LRRC69: variants seen among roughly 807,000 people sequenced by gnomAD.
LRRC69 encodes leucine rich repeat containing 69.
Under a neutral mutation model 37.8 loss-of-function variants are expected in LRRC69, and 42 were observed. That is an observed-to-expected ratio of 1.11 (90% CI 0.87 to 1.44). LRRC69 has a LOEUF of 1.44. Ranked by LOEUF, LRRC69 falls within the 40% of genes most tolerant of loss-of-function variation. The pLI, the probability that LRRC69 is intolerant of heterozygous loss-of-function variation, is 0.00. For missense variants in LRRC69, 357 were observed against 401.9 expected, an observed-to-expected ratio of 0.89 and a Z score of 0.96; for synonymous variants, 141 against 143.1, an observed-to-expected ratio of 0.99 and a Z score of 0.11.
intron 7 of LRRC69, among the ~76,000 whole-genome samples, chr8:91,208,643 A>G (rs1232968013): frequency 6.6e-6 from 1 of 152,214 alleles, no homozygotes; most frequent in African/African-American, 2.4e-5. Flanking sequence ...AGGATTTCCT[A>G]AGTCATTTCA....
At chr8:91,197,552 G>A (rs1297317771) in intron 6 of LRRC69, among the ~76,000 whole-genome samples, 3 of 152,120 alleles carry the variant, frequency 2.0e-5, no homozygotes, top group African/African-American at 7.2e-5. Flanking sequence ...GTGGTGCGCC[G>A]TTTTTTAAGC....
At chr8:91,106,189 T>G (rs1438202292) in intron 1 of LRRC69, among the ~76,000 whole-genome samples, 13 of 152,192 alleles carry the variant, frequency 8.5e-5, no homozygotes, top group African/African-American at 3.1e-4. Context: ...TAATTTGAAC[T>G]CTTTCTTATG....
rs118039597 is a variant in LRRC69 at position 91,109,691 on chromosome 8, A to T, written c.183+6847A>T. Among the ~76,000 whole-genome samples the T allele has an allele frequency of 8.7e-4, 132 of 152,012 alleles. No homozygotes were observed. The East Asian group carries it at 0.019, about 22-fold the overall frequency. On this transcript the variant is annotated intron_variant, in intron 1 of 7. Coordinates refer to ENST00000448384, the Ensembl canonical transcript of LRRC69. The stretch of plus-strand genomic sequence containing the variant: ...TCTTGACATTGAGCTTAACTTTGGG[A>T]TTTAAGGGGCCAGCAGTAAGAGGTT...
In LRRC69 at chr8:91,189,505, T is replaced by C. The variant is rs929792265; in HGVS notation, c.652-17T>C. 1.5e-5 allele frequency: 22 copies of C among 1,509,950 alleles called. No individual in the cohort carries two copies. The highest frequency in any genetic ancestry group is 4.0e-5 in the Admixed American group (2 of 49,690). 93.5% of individuals were successfully genotyped at this position (1,509,950 alleles called of 1,614,324 possible). A position where few individuals can be genotyped will look rare whatever the true frequency, so the allele number is the denominator to read the frequency against. ...ATTATTTTGTTGTGCAATAAGGTTT[T>C]TATTTTGTTTGAAAAGTTTCAGGAT... is the stretch of plus-strand genomic sequence containing the variant. On this transcript the variant is annotated splice_polypyrimidine_tract_variant and intron_variant, in intron 5 of 7. Coordinates refer to ENST00000448384, the Ensembl canonical transcript of LRRC69.
intron 7 of LRRC69, among the ~76,000 whole-genome samples, chr8:91,211,618 T>TA (rs1282294122): frequency 0.15 from 18,362 of 124,368 alleles, 1,405 homozygotes; most frequent in Non-Finnish European, 0.21. Context: ...ATATATATAT[T>TA]TTTTTTTTAT....
chr8:91,108,430 C>A (rs557142605), intron 1 of LRRC69, among the ~76,000 whole-genome samples: 2 of 151,960 alleles, frequency 1.3e-5, no homozygotes, highest in Non-Finnish European at 2.9e-5. Flanking sequence ...ATGAAACATA[C>A]AAATAAGTGT....
At chr8:91,156,000 A>T (rs1035297413) in intron 5 of LRRC69, among the ~76,000 whole-genome samples, 1 of 150,454 alleles carries the variant, frequency 6.6e-6, no homozygotes, top group South Asian at 2.1e-4. Flanking sequence ...GGTTGACTAC[A>T]TATTGTACTA....
At chr8:91,173,466 C>T (rs1027990817) in intron 5 of LRRC69, among the ~76,000 whole-genome samples, 3 of 152,038 alleles carry the variant, frequency 2.0e-5, no homozygotes, top group African/African-American at 7.2e-5. Context: ...CTTATCATTT[C>T]TAAGTTTTGG....
chr8:91,148,987 T>G (rs1808675888), intron 5 of LRRC69, among the ~76,000 whole-genome samples: 1 of 151,690 alleles, frequency 6.6e-6, no homozygotes, highest in South Asian at 2.1e-4. Context: ...ATATTAGCCC[T>G]TTGTCAAATG....
intron 3 of LRRC69, among the ~76,000 whole-genome samples, chr8:91,132,606 C>T (rs1483416532): frequency 3.9e-5 from 6 of 151,960 alleles, no homozygotes; most frequent in African/African-American, 1.4e-4. Flanking sequence ...GTTTGTGGCT[C>T]TATTTAATAT....
intron 1 of LRRC69, among the ~76,000 whole-genome samples, chr8:91,107,457 ATAT>A (rs1813337110): frequency 6.6e-6 from 1 of 151,914 alleles, no homozygotes; most frequent in African/African-American, 2.4e-5. Flanking sequence ...CTTTTAACAA[ATAT>A]TTACCATTCA....
intron 5 of LRRC69, among the ~76,000 whole-genome samples, chr8:91,168,786 A>G (rs1809074640): frequency 6.6e-6 from 1 of 152,050 alleles, no homozygotes; most frequent in Middle Eastern, 3.4e-3. Context: ...ATATAGAAAG[A>G]ATAATGAATA....
At chr8:91,137,835 C>T (rs1011183724) in intron 5 of LRRC69, among the ~76,000 whole-genome samples, 2 of 151,854 alleles carry the variant, frequency 1.3e-5, no homozygotes, top group Non-Finnish European at 2.9e-5. Context: ...GAGAAATGAC[C>T]GACTCTAGGT....
chr8:91,194,417 G>A (rs1475226402), intron 6 of LRRC69, among the ~76,000 whole-genome samples: 1 of 151,878 alleles, frequency 6.6e-6, no homozygotes, highest in Non-Finnish European at 1.5e-5. Flanking sequence ...GTTTCAGAAG[G>A]AATGGTACCA....
In LRRC69 at chr8:91,102,741, CAA is replaced by C; in HGVS notation, c.82_83del (p.Lys28AspfsTer19). The C allele has an allele frequency of 6.4e-7, 1 of 1,551,744 alleles. No individual in the cohort carries two copies. Among genetic ancestry groups the C allele is most frequent in the Non-Finnish European group, 8.7e-7 (1 of 1,146,888 alleles). ...ATTACTTTGAATGGGAAGAAGATGA[CAA>C]AGATGCCCTCAGCATTAGGAAAACT... On this transcript the variant is annotated frameshift_variant, in exon 1 of 8. Coordinates refer to ENST00000448384, the Ensembl canonical transcript of LRRC69. LOFTEE classifies it high-confidence loss of function.
intron 7 of LRRC69, among the ~76,000 whole-genome samples, chr8:91,211,614 A>ATT (rs1171825217): frequency 4.2e-4 from 59 of 140,744 alleles, no homozygotes; most frequent in South Asian, 2.4e-3. Context: ...ATATATATAT[A>ATT]TATTTTTTTT....
intron 5 of LRRC69, among the ~76,000 whole-genome samples, chr8:91,178,828 G>T (rs556034004): frequency 4.4e-4 from 67 of 152,326 alleles, no homozygotes; most frequent in African/African-American, 1.6e-3. Context: ...CTACCTGAGA[G>T]GTGACCCTGG....
rs557187716 is a variant in LRRC69, at chr8:91,190,976, C to G, written c.753+1353C>G. On this transcript the variant is annotated intron_variant, in intron 6 of 7. Transcript: ENST00000448384. Reference sequence around the variant, plus strand: ...GAGGCTTGAGCCCAGTAGGTTGAGTCTGCAATGAGTTGGGTTCATGCTACT... The same window carrying G: ...GAGGCTTGAGCCCAGTAGGTTGAGTGTGCAATGAGTTGGGTTCATGCTACT... Among the ~76,000 whole-genome samples the G allele has an allele frequency of 4.7e-5, 7 of 150,416 alleles. No individual in the cohort carries two copies. The South Asian group carries it at 1.5e-3, about 32-fold the overall frequency.
chr8:91,120,492 C>T (rs1813599832), intron 1 of LRRC69, among the ~76,000 whole-genome samples: 1 of 152,122 alleles, frequency 6.6e-6, no homozygotes, highest in Middle Eastern at 3.2e-3. Flanking sequence ...AGCCCAATCC[C>T]TTCAGAGCTT....
Sources: gnomAD v4.1 joint callset for allele counts (sites outside exome capture counted in the v4.1 genomes callset) on GRCh38, gnomAD v4.1.1 for gene constraint, MANE v1.5 for transcripts, NCBI Gene and HGNC (gene_info 2026-07-23, HGNC 2026-07-21) for gene names.